Variants in EYS observed in about 807,000 individuals in gnomAD.
EYS encodes the protein protein eyes shut homolog.
EYS carries 250 observed loss-of-function variants against 282.1 expected under a neutral mutation model. The observed-to-expected ratio is 0.89, with a 90% CI of 0.80 to 0.98. The LOEUF (loss-of-function observed/expected upper bound fraction) is 0.98. Among genes scored for constraint, EYS ranks in the 50% least tolerant of loss-of-function variants. The pLI, the probability that EYS is intolerant of heterozygous loss-of-function variation, is 0.00. For missense variants in EYS, 4,016 were observed against 3,709.0 expected (o/e 1.08, Z -2.15); for synonymous variants, 1,355 against 1,282.9 (o/e 1.06, Z -1.20).
chr6:65,094,317 G>GAAAAAAAAAAAAA (rs35028634), intron 12 of EYS, among the ~76,000 whole-genome samples: 2 of 73,814 alleles, frequency 2.7e-5, no homozygotes, highest in Non-Finnish European at 5.2e-5. Flanking sequence ...ATATCTTAAC[G>GAAAAAAAAAAAAA]AAAAAAAAAA....
intron 12 of EYS, among the ~76,000 whole-genome samples, chr6:65,189,433 G>A (rs184433623): frequency 5.1e-4 from 78 of 151,798 alleles, no homozygotes; most frequent in African/African-American, 1.7e-3. Context: ...TCACTCTATG[G>A]AACATATTAA....
intron 13 of EYS, among the ~76,000 whole-genome samples, chr6:65,037,570 G>T (rs969879540): frequency 6.6e-5 from 10 of 151,338 alleles, no homozygotes; most frequent in Admixed American, 3.3e-4. Context: ...CTTTTCTCTA[G>T]GTTACTTTAT....
At chr6:64,309,581 A>G (rs537782616) in intron 29 of EYS, among the ~76,000 whole-genome samples, 12 of 72,426 alleles carry the variant, frequency 1.7e-4, no homozygotes, top group Non-Finnish European at 2.7e-4. Context: ...CACTTTAAAT[A>G]TACAAACAAC....
rs910859039 is a variant in EYS, at chr6:64,481,545, T to C, written c.5645-42193A>G. On this transcript the variant is annotated intron_variant, in intron 26 of 42. Coordinates refer to ENST00000503581, the MANE Select transcript of EYS (RefSeq NM_001142800.2). ...ACACACACACATACACATATATACA[T>C]ACTTAAAGAAAACCTCTTTTAGAGA... 2.6e-4 allele frequency among the ~76,000 whole-genome samples: 40 copies of C among 151,298 alleles called. 3 individuals carry two copies. The highest frequency in any genetic ancestry group is 4.4e-5 in the Non-Finnish European group (3 of 67,630).
At chr6:65,350,904 T>A (rs1435411798) in intron 9 of EYS, among the ~76,000 whole-genome samples, 3 of 151,680 alleles carry the variant, frequency 2.0e-5, no homozygotes, top group Non-Finnish European at 4.4e-5. Flanking sequence ...AATCCCTTAA[T>A]TAAAATAATC....
intron 29 of EYS, among the ~76,000 whole-genome samples, chr6:64,337,845 G>C (rs1392445643): frequency 6.6e-6 from 1 of 151,916 alleles, no homozygotes; most frequent in Non-Finnish European, 1.5e-5. Context: ...CAATAAATGT[G>C]ATACACCATA....
chr6:64,697,449 A>G (rs184430146), intron 22 of EYS, among the ~76,000 whole-genome samples: 6 of 152,292 alleles, frequency 3.9e-5, no homozygotes, highest in African/African-American at 1.4e-4. Flanking sequence ...GGTGACTTCA[A>G]TACCCCACTC....
At chr6:64,095,663 G>A (rs1362288789) in intron 31 of EYS, among the ~76,000 whole-genome samples, 15 of 151,502 alleles carry the variant, frequency 9.9e-5, no homozygotes, top group Admixed American at 9.9e-4. Context: ...CACATGAGAT[G>A]GGTCTCCTGA....
chr6:63,913,825 A>G (rs1455494275), intron 35 of EYS, among the ~76,000 whole-genome samples: 1 of 152,142 alleles, frequency 6.6e-6, no homozygotes, highest in African/African-American at 2.4e-5. Context: ...GTCTTGTTTT[A>G]TCGTGCATTG....
intron 26 of EYS, among the ~76,000 whole-genome samples, chr6:64,520,165 G>C (rs1777686654): frequency 6.6e-6 from 1 of 151,712 alleles, no homozygotes; most frequent in South Asian, 2.1e-4. Context: ...GTAAACTTCT[G>C]TGTGGAGGTT....
chr6:65,361,444 C>G (rs978700338), intron 8 of EYS, among the ~76,000 whole-genome samples: 2 of 150,696 alleles, frequency 1.3e-5, no homozygotes, highest in Non-Finnish European at 1.5e-5. Flanking sequence ...ACAGGAATTT[C>G]TTTCTCTTTT....
intron 15 of EYS, among the ~76,000 whole-genome samples, chr6:64,913,824 A>G (rs1171382331): frequency 6.6e-6 from 1 of 152,138 alleles, no homozygotes; most frequent in Non-Finnish European, 1.5e-5. Context: ...TTCTTTGAGA[A>G]ATCTCCATAA....
chr6:64,393,989 C>T (rs540128869), intron 28 of EYS, among the ~76,000 whole-genome samples: 1 of 152,152 alleles, frequency 6.6e-6, no homozygotes, highest in East Asian at 1.9e-4. Flanking sequence ...ACACCAATAA[C>T]AGCAAACAGA....
rs115480279 is a variant in EYS, at chr6:63,748,785, C to T, written c.8071+13676G>A. On this transcript the variant is annotated intron_variant, in intron 41 of 42. Transcript: ENST00000503581. ...AAATTTGTGTGCATAGAAGTGTTTA[C>T]AATATTCTCTGATGATTATTTGTAT... is the stretch of plus-strand genomic sequence containing the variant. Among the ~76,000 whole-genome samples the T allele has an allele frequency of 9.2e-3, 1,395 of 152,118 alleles. 21 individuals are homozygous for T. The highest frequency in any genetic ancestry group is 0.031 in the African/African-American group (1,298 of 41,532).
At chr6:64,069,867 C>A (rs1329707649) in intron 32 of EYS, among the ~76,000 whole-genome samples, 1 of 152,006 alleles carries the variant, frequency 6.6e-6, no homozygotes, top group Non-Finnish European at 1.5e-5. Context: ...TTAAAAATAT[C>A]ATTACATGTT....
At chr6:64,516,820 C>T (rs1777574722) in intron 26 of EYS, among the ~76,000 whole-genome samples, 1 of 151,586 alleles carries the variant, frequency 6.6e-6, no homozygotes, top group Non-Finnish European at 1.5e-5. Context: ...ACTTTGATAT[C>T]AGATCTAGCT....
chr6:63,838,308 A>C (rs796294618), intron 36 of EYS, among the ~76,000 whole-genome samples: 27 of 152,166 alleles, frequency 1.8e-4, no homozygotes, highest in African/African-American at 6.3e-4. Flanking sequence ...GAACTAACAT[A>C]AATAGACGTT....
At chr6:64,188,851 A>G (rs1443757265) in intron 31 of EYS, among the ~76,000 whole-genome samples, 3 of 152,282 alleles carry the variant, frequency 2.0e-5, no homozygotes, top group Non-Finnish European at 2.9e-5. Context: ...GGTGGTTTCT[A>G]TATTAGGAAA....
intron 13 of EYS, among the ~76,000 whole-genome samples, chr6:65,006,201 C>T (rs990145291): frequency 7.4e-5 from 11 of 147,948 alleles, no homozygotes; most frequent in Admixed American, 2.0e-4. Flanking sequence ...GAGAGAGAGA[C>T]GGAGAGAGAG....
Sources: gnomAD v4.1 joint callset for allele counts (sites outside exome capture counted in the v4.1 genomes callset) on GRCh38, gnomAD v4.1.1 for gene constraint, MANE v1.5 for transcripts, NCBI Gene and HGNC (gene_info 2026-07-23, HGNC 2026-07-21) for gene names.